The following GNE variants were observed in gnomAD, a reference collection of about 807,000 sequenced individuals.
The protein encoded by GNE is glucosamine (UDP-N-acetyl)-2-epimerase/N-acetylmannosamine kinase.
A neutral mutation model predicts 61.8 loss-of-function variants in GNE; 41 were observed. The observed-to-expected ratio is 0.66, with a 90% CI of 0.52 to 0.86. The LOEUF (loss-of-function observed/expected upper bound fraction) is 0.86. GNE is among the 40% of genes least tolerant of loss of function. The probability of loss-of-function intolerance (pLI) is 0.00; values close to 1 mark genes in which losing one functional copy is unlikely to be tolerated. For missense variants in GNE, 608 were observed against 909.1 expected, an observed-to-expected ratio of 0.67 and a Z score of 4.26; for synonymous variants, 264 against 326.4, an observed-to-expected ratio of 0.81 and a Z score of 2.06.
intron 4 of GNE, 28 bp downstream of exon 4, chr9:36,236,804 G>A: frequency 6.2e-7 from 1 of 1,604,232 alleles, no homozygotes. Context: ...AAAGTAGGTG[G>A]CATAATTTCA....
upstream of GNE, among the ~76,000 whole-genome samples, chr9:36,260,899 A>C (rs1383579125): frequency 1.4e-5 from 2 of 138,122 alleles, no homozygotes; most frequent in African/African-American, 5.3e-5. Context: ...AAAAAAAAAA[A>C]ACCCACAAAT....
At chr9:36,259,574 G>A (rs956569839), upstream of GNE, among the ~76,000 whole-genome samples, 4 of 152,322 alleles carry the variant, frequency 2.6e-5, no homozygotes, top group Admixed American at 1.3e-4. Context: ...CCTGTGGCTA[G>A]CTTGGAGCCA....
chr9:36,239,629 T>C (rs1052788328), intron 3 of GNE, among the ~76,000 whole-genome samples: 3 of 152,004 alleles, frequency 2.0e-5, no homozygotes, highest in African/African-American at 7.2e-5. Flanking sequence ...CACATCACCA[T>C]GCCCAGCTAA....
rs111405478 is a variant in GNE at position 36,266,049 on chromosome 9, T to A, written c.51+10845A>T. 9.5e-3 allele frequency among the ~76,000 whole-genome samples: 1,441 copies of A among 152,314 alleles called. 12 individuals are homozygous for A. Among genetic ancestry groups the A allele is most frequent in the Middle Eastern group, 0.02 (6 of 294 alleles). On this transcript the variant is annotated intron_variant, in intron 1 of 11. Transcript: ENST00000396594. ...ACCTCCCGAGTTCAAGTGATTCTCCTGCCTCAGCCTCCCGAGTAGCTGGGA... is the reference window on the plus strand; with the variant it reads ...ACCTCCCGAGTTCAAGTGATTCTCCAGCCTCAGCCTCCCGAGTAGCTGGGA...
At chr9:36,236,686 G>A (rs1354525450) in intron 4 of GNE, 146 bp downstream of exon 4, 2 of 753,900 alleles carry the variant, frequency 2.7e-6, no homozygotes, top group Non-Finnish European at 4.6e-6. Flanking sequence ...AGCAAAATTG[G>A]TAATCCTTTG....
In GNE at chr9:36,217,025, T is replaced by TTA. The variant is rs1828343089; in HGVS notation, c.*339_*340insTA. ...ATGAAGTGATATCCCAGGCAAGGCC[T>TTA]GAAGGTCTCAGTGGTATTAATACAT... On this transcript the variant is annotated 3_prime_UTR_variant, in exon 12 of 12. Coordinates refer to ENST00000642385, the MANE Select transcript of GNE (RefSeq NM_005476.7). 2.8e-6 allele frequency: 1 copy of TTA among 359,806 alleles called. No individual in the cohort carries two copies. The highest frequency in any genetic ancestry group is 2.1e-5 in the African/African-American group (1 of 47,436). 22.3% of individuals were successfully genotyped at this position (359,806 alleles called of 1,614,324 possible).
At chr9:36,271,464 C>T (rs1474176088) in intron 1 of GNE, among the ~76,000 whole-genome samples, 1 of 152,214 alleles carries the variant, frequency 6.6e-6, no homozygotes, top group Non-Finnish European at 1.5e-5. Context: ...ACCTCCACCT[C>T]CCGGGTTCAA....
chr9:36,261,144 C>T (rs1024621432), upstream of GNE, among the ~76,000 whole-genome samples: 3 of 152,090 alleles, frequency 2.0e-5, no homozygotes, highest in South Asian at 2.1e-4. Flanking sequence ...AAAAAGACCC[C>T]GGTGATTACA....
chr9:36,267,713 CAAA>C (rs978582592), intron 1 of GNE: 2 of 149,496 alleles, frequency 1.3e-5, no homozygotes, highest in Non-Finnish European at 3.0e-5. Context: ...AACAAACAAA[CAAA>C]ATATATATAT....
At chr9:36,273,351 G>A (rs1190209212) in intron 1 of GNE, among the ~76,000 whole-genome samples, 1 of 151,370 alleles carries the variant, frequency 6.6e-6, no homozygotes, top group African/African-American at 2.4e-5. Flanking sequence ...CAAATAGCTG[G>A]GACTACAGGC....
intron 3 of GNE, among the ~76,000 whole-genome samples, chr9:36,240,163 G>T (rs1829575237): frequency 6.6e-6 from 1 of 152,144 alleles, no homozygotes; most frequent in Admixed American, 6.5e-5. Context: ...TTCTTCTCTT[G>T]TCTGATTGCT....
chr9:36,242,891 C>T (rs1441669662), intron 3 of GNE, among the ~76,000 whole-genome samples: 1 of 151,728 alleles, frequency 6.6e-6, no homozygotes, highest in African/African-American at 2.4e-5. Flanking sequence ...AGGCATGTGC[C>T]AGCACACCTG....
At chr9:36,258,835 A>G (rs1334920567), upstream of GNE, among the ~76,000 whole-genome samples, 2 of 152,184 alleles carry the variant, frequency 1.3e-5, no homozygotes, top group Non-Finnish European at 2.9e-5. Flanking sequence ...GACCGCAACT[A>G]TACTGTCGTG....
chr9:36,270,434 GC>G (rs1830978784), intron 1 of GNE, among the ~76,000 whole-genome samples: 1 of 151,636 alleles, frequency 6.6e-6, no homozygotes, highest in Non-Finnish European at 1.5e-5. Flanking sequence ...GGGCATCAAA[GC>G]CCACTATTAA....
At chr9:36,223,066 T>C in intron 8 of GNE, 68 bp from the exon 9 acceptor site, 5 of 1,420,980 alleles carry the variant, frequency 3.5e-6, no homozygotes, top group Non-Finnish European at 4.0e-6. Flanking sequence ...GCTGACTTTC[T>C]TGTCTTAAGA....
At chr9:36,228,810 AAAAG>A (rs1829012578) in intron 6 of GNE, among the ~76,000 whole-genome samples, 1 of 151,706 alleles carries the variant, frequency 6.6e-6, no homozygotes, top group Admixed American at 6.6e-5. Context: ...AAAAAAAAAA[AAAAG>A]AAATAAAATA....
chr9:36,256,854 G>C (rs193087782), intron 1 of GNE, among the ~76,000 whole-genome samples: 1 of 152,266 alleles, frequency 6.6e-6, no homozygotes, highest in African/African-American at 2.4e-5. Flanking sequence ...CGTATTAGCC[G>C]CGTTTTACAG....
chr9:36,263,076 C>G (rs1295133345), upstream of GNE: 1 of 152,166 alleles, frequency 6.6e-6, no homozygotes, highest in Admixed American at 6.6e-5. Flanking sequence ...GCCCTTGATC[C>G]CACTTGCTTA....
intron 1 of GNE, among the ~76,000 whole-genome samples, chr9:36,256,109 T>G (rs1306641802): frequency 6.6e-6 from 1 of 152,036 alleles, no homozygotes; most frequent in Non-Finnish European, 1.5e-5. Flanking sequence ...GTATTTTTAG[T>G]AGAGGTGGGG....
Sources: gnomAD v4.1 joint callset for allele counts (sites outside exome capture counted in the v4.1 genomes callset) on GRCh38, gnomAD v4.1.1 for gene constraint, MANE v1.5 for transcripts, NCBI Gene and HGNC (gene_info 2026-07-23, HGNC 2026-07-21) for gene names.